Variants in LRRC4C observed in about 807,000 individuals in gnomAD.
LRRC4C encodes leucine rich repeat containing 4C, also known as leucine-rich repeat-containing protein 4C.
Under a neutral mutation model 33.6 loss-of-function variants are expected in LRRC4C, and 5 were observed. That is an observed-to-expected ratio of 0.15 (90% CI 0.08 to 0.31). LRRC4C has a LOEUF of 0.31. Ranked by LOEUF, LRRC4C falls within the 10% of genes least tolerant of loss-of-function variation. The pLI is 1.00. For synonymous variants in LRRC4C, 329 were observed against 302.0 expected, an observed-to-expected ratio of 1.09 and a Z score of -0.93; for missense variants, 560 against 796.7, an observed-to-expected ratio of 0.70 and a Z score of 3.58.
intron 5 of LRRC4C, among the ~76,000 whole-genome samples, chr11:40,191,687 G>T (rs376075753): frequency 1.3e-5 from 2 of 152,148 alleles, no homozygotes; most frequent in African/African-American, 4.8e-5. Context: ...CTGGCTATAC[G>T]CAGAGGCTCT....
At chr11:40,930,314 G>A (rs758038468) in intron 2 of LRRC4C, among the ~76,000 whole-genome samples, 46 of 152,258 alleles carry the variant, frequency 3.0e-4, no homozygotes, top group African/African-American at 1.1e-3. Context: ...CTTATTATCC[G>A]CTGCTAGGAC....
chr11:40,124,516 G>C (rs747228955), intron 6 of LRRC4C, among the ~76,000 whole-genome samples: 5 of 152,140 alleles, frequency 3.3e-5, no homozygotes, highest in Admixed American at 6.5e-5. Context: ...AACATGGATG[G>C]AGCTGGAGGT....
At chr11:40,753,072 TA>T (rs1415963215) in intron 2 of LRRC4C, among the ~76,000 whole-genome samples, 3 of 152,028 alleles carry the variant, frequency 2.0e-5, no homozygotes, top group Non-Finnish European at 4.4e-5. Flanking sequence ...TATTTTATTT[TA>T]TTTTTTTGAG....
At chr11:41,360,339 A>G (rs1346050308) in intron 1 of LRRC4C, among the ~76,000 whole-genome samples, 1 of 152,148 alleles carries the variant, frequency 6.6e-6, no homozygotes, top group Non-Finnish European at 1.5e-5. Context: ...CACTATACCT[A>G]CATCTATGAT....
At chr11:41,082,958 TTA>T (rs553546124) in intron 1 of LRRC4C, among the ~76,000 whole-genome samples, 15 of 152,220 alleles carry the variant, frequency 9.9e-5, no homozygotes, top group Admixed American at 6.5e-4. Context: ...GGCTGATAAA[TTA>T]TATGTTTTTC....
chr11:40,851,178 G>C (rs1338713430), intron 2 of LRRC4C, among the ~76,000 whole-genome samples: 1 of 150,782 alleles, frequency 6.6e-6, no homozygotes, highest in East Asian at 1.9e-4. Context: ...TGGGGTATGG[G>C]GGAAAAAAAA....
intron 1 of LRRC4C, among the ~76,000 whole-genome samples, chr11:41,156,249 A>G (rs1590780474): frequency 6.6e-6 from 1 of 152,092 alleles, no homozygotes; most frequent in East Asian, 1.9e-4. Context: ...ACAGTTACCC[A>G]AGGCAAACCC....
chr11:40,410,229 C>T (rs1434890772), intron 3 of LRRC4C, among the ~76,000 whole-genome samples: 1 of 151,954 alleles, frequency 6.6e-6, no homozygotes, highest in African/African-American at 2.4e-5. Context: ...TTAGTAGCTG[C>T]ATTTAAATAT....
intron 1 of LRRC4C, among the ~76,000 whole-genome samples, chr11:40,980,846 G>C (rs2137098067): frequency 6.6e-6 from 1 of 152,234 alleles, no homozygotes; most frequent in East Asian, 1.9e-4. Context: ...TTATATAAAT[G>C]CCTAGACCCA....
At chr11:40,970,359 T>G (rs912002006) in intron 1 of LRRC4C, among the ~76,000 whole-genome samples, 5 of 152,090 alleles carry the variant, frequency 3.3e-5, no homozygotes, top group African/African-American at 1.2e-4. Flanking sequence ...TGTTTAAAAG[T>G]GTGTGGTTCC....
At chr11:40,517,342 G>T (rs1436900335) in intron 3 of LRRC4C, among the ~76,000 whole-genome samples, 3 of 152,118 alleles carry the variant, frequency 2.0e-5, no homozygotes, top group Non-Finnish European at 4.4e-5. Flanking sequence ...ACATTACTCT[G>T]GAAGGCATTG....
intron 1 of LRRC4C, among the ~76,000 whole-genome samples, chr11:41,343,804 T>C (rs1951714602): frequency 6.6e-6 from 1 of 152,220 alleles, no homozygotes; most frequent in Admixed American, 6.5e-5. Context: ...AGTCCCTATT[T>C]ATAACAAAGT....
intron 2 of LRRC4C, among the ~76,000 whole-genome samples, chr11:40,696,494 C>G (rs963108879): frequency 2.0e-5 from 3 of 148,456 alleles, no homozygotes; most frequent in African/African-American, 7.4e-5. Context: ...TATTTATACA[C>G]TCATAATGTA....
At chr11:40,942,861 C>T (rs977358210) in intron 1 of LRRC4C, among the ~76,000 whole-genome samples, 11 of 152,192 alleles carry the variant, frequency 7.2e-5, no homozygotes, top group Admixed American at 2.6e-4. Context: ...TAACACCTAC[C>T]AACCATATGA....
chr11:40,612,721 C>A (rs1009649789), intron 3 of LRRC4C, among the ~76,000 whole-genome samples: 5 of 151,884 alleles, frequency 3.3e-5, no homozygotes, highest in Admixed American at 3.3e-4. Context: ...CCTTTCATCA[C>A]TTGGCTGATG....
At chr11:40,246,245 A>G (rs905106284) in intron 4 of LRRC4C, among the ~76,000 whole-genome samples, 1 of 152,176 alleles carries the variant, frequency 6.6e-6, no homozygotes, top group African/African-American at 2.4e-5. Flanking sequence ...AAGTGCTGCG[A>G]TTACAGGCAT....
At chr11:40,497,330 G>T (rs1359091314) in intron 3 of LRRC4C, among the ~76,000 whole-genome samples, 1 of 151,928 alleles carries the variant, frequency 6.6e-6, no homozygotes, top group Non-Finnish European at 1.5e-5. Flanking sequence ...CTTGAATCTG[G>T]GAGGCGGAGG....
chr11:41,139,790 C>A (rs1377018588), intron 1 of LRRC4C, among the ~76,000 whole-genome samples: 5 of 152,140 alleles, frequency 3.3e-5, no homozygotes, highest in African/African-American at 9.7e-5. Flanking sequence ...TAGAGCAAAT[C>A]TGCTCTTCTT....
chr11:40,801,748 C>A (rs1371875519), intron 2 of LRRC4C, among the ~76,000 whole-genome samples: 5 of 151,876 alleles, frequency 3.3e-5, no homozygotes, highest in Non-Finnish European at 7.4e-5. Flanking sequence ...AGTTGAGTAC[C>A]AGAAATTTTT....
Sources: allele counts gnomAD v4.1 joint callset (sites outside exome capture counted in the v4.1 genomes callset), GRCh38; gene constraint gnomAD v4.1.1; transcripts MANE v1.5; gene names NCBI Gene and HGNC (gene_info 2026-07-23, HGNC 2026-07-21).